The following ADGRB3 variants were observed in gnomAD, a reference collection of about 807,000 sequenced individuals.
ADGRB3 encodes brain-specific angiogenesis inhibitor 3.
ADGRB3 carries 37 observed loss-of-function variants against 193.4 expected under a neutral mutation model. The observed-to-expected ratio is 0.19, with a 90% CI of 0.15 to 0.25. ADGRB3 has a LOEUF of 0.25. Ranked by LOEUF, ADGRB3 falls within the 10% of genes least tolerant of loss-of-function variation. The probability of loss-of-function intolerance (pLI) is 1.00; values close to 1 mark genes in which losing one functional copy is unlikely to be tolerated. For missense variants in ADGRB3, 1,637 were observed against 1,852.9 expected, an observed-to-expected ratio of 0.88 and a Z score of 2.14; for synonymous variants, 690 against 644.2, an observed-to-expected ratio of 1.07 and a Z score of -1.08.
chr6:68,971,588 G>C (rs984602202), intron 8 of ADGRB3, among the ~76,000 whole-genome samples: 4 of 152,178 alleles, frequency 2.6e-5, no homozygotes, highest in African/African-American at 9.6e-5. Flanking sequence ...TTTTATATCA[G>C]GGAGTTGAGC....
At chr6:68,812,848 C>T (rs1231951939) in intron 3 of ADGRB3, among the ~76,000 whole-genome samples, 2 of 151,656 alleles carry the variant, frequency 1.3e-5, no homozygotes, top group Non-Finnish European at 2.9e-5. Flanking sequence ...CCACAGGCCC[C>T]AGTGTGTGAT....
intron 20 of ADGRB3, among the ~76,000 whole-genome samples, chr6:69,316,344 G>A (rs892288241): frequency 6.6e-6 from 1 of 151,204 alleles, no homozygotes; most frequent in Admixed American, 6.6e-5. Flanking sequence ...ACAGACTGAT[G>A]GAAAATAGGA....
At chr6:69,090,705 A>C (rs1158032311) in intron 17 of ADGRB3, among the ~76,000 whole-genome samples, 1 of 152,200 alleles carries the variant, frequency 6.6e-6, no homozygotes, top group Non-Finnish European at 1.5e-5. Context: ...GCAAAGGGCT[A>C]TACCTGAGCT....
At chr6:68,673,443 T>A (rs1203480952) in intron 3 of ADGRB3, among the ~76,000 whole-genome samples, 1 of 152,152 alleles carries the variant, frequency 6.6e-6, no homozygotes, top group Non-Finnish European at 1.5e-5. Flanking sequence ...CTCAGTGTTA[T>A]CAGTCTCCAT....
intron 17 of ADGRB3, chr6:69,232,256 T>G: frequency 2.3e-6 from 1 of 437,526 alleles, no homozygotes; most frequent in Non-Finnish European, 3.7e-6. Context: ...GTTGATTGGT[T>G]GAGCTCTATA....
chr6:68,984,248 C>T (rs1769009236), intron 10 of ADGRB3, among the ~76,000 whole-genome samples: 1 of 152,084 alleles, frequency 6.6e-6, no homozygotes, highest in African/African-American at 2.4e-5. Flanking sequence ...AACTTTGAAA[C>T]CTGCTGCAGT....
chr6:68,924,531 G>A (rs561470175), intron 3 of ADGRB3, among the ~76,000 whole-genome samples: 1 of 152,030 alleles, frequency 6.6e-6, no homozygotes, highest in Non-Finnish European at 1.5e-5. Context: ...TCTACAAAAT[G>A]TTATAAGTAA....
chr6:68,653,716 C>T lies in ADGRB3; in HGVS notation c.757+14284C>T, dbSNP rs149620219. Among the ~76,000 whole-genome samples the T allele has an allele frequency of 5.5e-3, 839 of 151,990 alleles. 26 individuals are homozygous for T. The highest frequency in any genetic ancestry group is 0.052 in the Admixed American group (787 of 15,212). Reference sequence around the variant, plus strand: ...ACATTAGAGAGAAGGTTCTGTGGTCCTTTGTTGAACCATGATTGTTACAGA... The same window carrying T: ...ACATTAGAGAGAAGGTTCTGTGGTCTTTTGTTGAACCATGATTGTTACAGA... On this transcript the variant is annotated intron_variant, in intron 3 of 31. Coordinates refer to ENST00000370598, the MANE Select transcript of ADGRB3 (RefSeq NM_001704.3).
At chr6:69,067,611 G>A (rs914568091) in intron 16 of ADGRB3, among the ~76,000 whole-genome samples, 3 of 152,114 alleles carry the variant, frequency 2.0e-5, no homozygotes, top group Admixed American at 1.3e-4. Flanking sequence ...ACAAAGGGCT[G>A]TTTGATATGC....
chr6:69,131,221 G>C (rs1464817765), intron 17 of ADGRB3, among the ~76,000 whole-genome samples: 1 of 152,068 alleles, frequency 6.6e-6, no homozygotes, highest in Non-Finnish European at 1.5e-5. Flanking sequence ...AGTCATGAAA[G>C]CTAATATTGG....
At chr6:68,828,909 A>T (rs1394961065) in intron 3 of ADGRB3, among the ~76,000 whole-genome samples, 1 of 152,118 alleles carries the variant, frequency 6.6e-6, no homozygotes, top group East Asian at 1.9e-4. Context: ...AGACAGAAAT[A>T]TAAAATAGCA....
intron 3 of ADGRB3, among the ~76,000 whole-genome samples, chr6:68,873,849 C>G (rs1304834355): frequency 6.6e-6 from 1 of 151,900 alleles, no homozygotes; most frequent in African/African-American, 2.4e-5. Flanking sequence ...TTACATATCC[C>G]TAAAGGTAAT....
At chr6:69,122,166 G>A (rs566162998) in intron 17 of ADGRB3, among the ~76,000 whole-genome samples, 227 of 152,094 alleles carry the variant, frequency 1.5e-3, no homozygotes, top group African/African-American at 5.0e-3. Context: ...GCAACAGTGA[G>A]CATTGGGTGG....
Position 69,389,259 on chromosome 6 carries a change from T to G in ADGRB3, c.*368T>G, listed in dbSNP as rs894433664. 1.3e-5 allele frequency: 2 copies of G among 158,328 alleles called. No homozygotes were observed. The highest frequency in any genetic ancestry group is 1.4e-5 in the Non-Finnish European group (1 of 71,716). 9.8% of individuals were successfully genotyped at this position (158,328 alleles called of 1,614,324 possible). On this transcript the variant is annotated 3_prime_UTR_variant, in exon 32 of 32. Coordinates refer to ENST00000370598, the MANE Select transcript of ADGRB3 (RefSeq NM_001704.3). Reference sequence around the variant, plus strand: ...GTTTTTAAAGTTTATAACAGTCTGTTTGGCCATTACTACACTTTTTACTTT... The same window carrying G: ...GTTTTTAAAGTTTATAACAGTCTGTGTGGCCATTACTACACTTTTTACTTT...
At chr6:69,040,706 A>AAAC (rs1771037384) in intron 13 of ADGRB3, among the ~76,000 whole-genome samples, 12 of 110,440 alleles carry the variant, frequency 1.1e-4, no homozygotes, top group Non-Finnish European at 2.1e-4. Context: ...AAAAAAAAAA[A>AAAC]AAACAAACAA....
chr6:69,187,407 A>G (rs1765093302), intron 17 of ADGRB3, among the ~76,000 whole-genome samples: 2 of 152,204 alleles, frequency 1.3e-5, no homozygotes, highest in South Asian at 4.1e-4. Context: ...AAATTACAAT[A>G]GAACATCTGT....
chr6:69,322,047 C>T (rs879739022), intron 20 of ADGRB3, among the ~76,000 whole-genome samples: 4 of 151,902 alleles, frequency 2.6e-5, no homozygotes, highest in African/African-American at 4.8e-5. Flanking sequence ...CTGTTGTTCT[C>T]CTCTGTGTGT....
At chr6:69,237,919 G>A (rs1177815763) in intron 19 of ADGRB3, among the ~76,000 whole-genome samples, 1 of 152,066 alleles carries the variant, frequency 6.6e-6, no homozygotes, top group African/African-American at 2.4e-5. Context: ...AGGCCATTTT[G>A]TGTTAAGATT....
intron 3 of ADGRB3, among the ~76,000 whole-genome samples, chr6:68,741,060 A>G (rs1385400211): frequency 6.6e-6 from 1 of 152,176 alleles, no homozygotes; most frequent in Non-Finnish European, 1.5e-5. Flanking sequence ...ACAAACATGG[A>G]AGTTGGTGAA....
Sources: gnomAD v4.1 joint callset for allele counts (sites outside exome capture counted in the v4.1 genomes callset) on GRCh38, gnomAD v4.1.1 for gene constraint, MANE v1.5 for transcripts, NCBI Gene and HGNC (gene_info 2026-07-23, HGNC 2026-07-21) for gene names.